Variants in AKR1B15 observed in about 807,000 individuals in gnomAD.
AKR1B15 encodes estradiol 17-beta-dehydrogenase AKR1B15.
In AKR1B15, 49 loss-of-function variants were observed where a neutral mutation model predicts 38.5. The observed-to-expected ratio is 1.27, with a 90% CI of 1.01 to 1.62. The LOEUF (loss-of-function observed/expected upper bound fraction) is 1.62. AKR1B15 is among the 40% of genes most tolerant of loss of function. AKR1B15 has a pLI of 0.00. For synonymous variants in AKR1B15, 137 were observed against 135.5 expected, an observed-to-expected ratio of 1.01 and a Z score of -0.08; for missense variants, 411 against 381.6, an observed-to-expected ratio of 1.08 and a Z score of -0.64.
At chr7:134,566,459 G>A (rs1174860054) in intron 3 of AKR1B15, among the ~76,000 whole-genome samples, 6 of 152,164 alleles carry the variant, frequency 3.9e-5, no homozygotes, top group East Asian at 1.9e-4. Flanking sequence ...AGCTCCACCC[G>A]GCTGTTTTTA....
In AKR1B15 at chr7:134,575,874, C is replaced by G. The variant is rs1416087789; in HGVS notation, c.690C>G (p.Ser230=). ...AGAAACTGATCCAGTACTGCCACTC[C>G]AAGGGCATCACCGTTACGGCCTACA... ...TQEKLIQYCH[S]KGITVTAYSP... Residue 230 remains serine (S), a synonymous_variant, in exon 8 of 12, where the codon TCC becomes TCG. Coordinates refer to ENST00000457545, the MANE Select transcript of AKR1B15 (RefSeq NM_001080538.3). The G allele has an allele frequency of 1.2e-6, 2 of 1,613,820 alleles. No homozygotes were observed. The highest frequency in any genetic ancestry group is 1.7e-6 in the Non-Finnish European group (2 of 1,179,810).
chr7:134,573,282 C>T (rs1794701369), intron 6 of AKR1B15: 1 of 795,114 alleles, frequency 1.3e-6, no homozygotes, highest in East Asian at 1.3e-4. Context: ...CCACCCGTCT[C>T]AGCCTCCCAA....
chr7:134,558,706 C>T (rs970705339), intron 2 of AKR1B15, among the ~76,000 whole-genome samples: 4 of 152,186 alleles, frequency 2.6e-5, no homozygotes, highest in African/African-American at 4.8e-5. Flanking sequence ...CCTGAGGAAA[C>T]GCTCTATGGA....
At chr7:134,557,745 C>T (rs1794250699) in intron 2 of AKR1B15, among the ~76,000 whole-genome samples, 1 of 152,150 alleles carries the variant, frequency 6.6e-6, no homozygotes, top group Admixed American at 6.5e-5. Context: ...TCCTCCTCCC[C>T]TCTTTAGACC....
In AKR1B15 at chr7:134,577,736, G is replaced by T; in HGVS notation, c.942G>T (p.Met314Ile). The change falls in exon 11 of 12, where the codon ATG becomes ATT. Residue 314 changes from methionine (M) to isoleucine (I), a missense_variant. Met to Ile is a conservative substitution (Grantham distance 10). This residue lies in a region of AKR1B15 where 133 missense variants were observed against 120.3 expected (regional missense o/e 1.11). Coordinates refer to ENST00000457545, the MANE Select transcript of AKR1B15 (RefSeq NM_001080538.3). ...VFDFKLSDEEMATILSFNRNW... is the reference protein window; with the variant it reads ...VFDFKLSDEEIATILSFNRNW... ...ACTTTAAATTGAGTGATGAGGAGAT[G>T]GCAACCATACTCAGCTTCAACAGAA... The T allele has an allele frequency of 6.2e-7, 1 of 1,613,964 alleles. No homozygotes were observed. Among genetic ancestry groups the T allele is most frequent in the African/African-American group, 1.3e-5 (1 of 75,024 alleles).
At chr7:134,560,402 C>A (rs1056103598) in intron 2 of AKR1B15, among the ~76,000 whole-genome samples, 1 of 152,200 alleles carries the variant, frequency 6.6e-6, no homozygotes, top group Non-Finnish European at 1.5e-5. Context: ...CCAGCTGATA[C>A]CACGTGGTTC....
chr7:134,563,122 C>T (rs1794458221), intron 2 of AKR1B15, among the ~76,000 whole-genome samples: 1 of 151,964 alleles, frequency 6.6e-6, no homozygotes, highest in African/African-American at 2.4e-5. Context: ...TACTGTTACC[C>T]AAGAGAACTT....
chr7:134,568,787 C>A (rs1322965078), intron 4 of AKR1B15, among the ~76,000 whole-genome samples: 7 of 150,688 alleles, frequency 4.6e-5, no homozygotes, highest in African/African-American at 1.7e-4. Context: ...TTGAGGTATA[C>A]AATGTTATAA....
chr7:134,565,188 C>T (rs1345818890), intron 3 of AKR1B15: 7 of 372,378 alleles, frequency 1.9e-5, no homozygotes, highest in Non-Finnish European at 3.4e-5. Flanking sequence ...TGCTGCTGCT[C>T]ACTCTTTGGG....
chr7:134,551,499 A>G (rs2117589835), intron 1 of AKR1B15, among the ~76,000 whole-genome samples: 1 of 152,308 alleles, frequency 6.6e-6, no homozygotes, highest in East Asian at 1.9e-4. Flanking sequence ...TCACCTCTGA[A>G]GAGAGGGACC....
chr7:134,567,126 C>T (rs1794554888), intron 3 of AKR1B15, among the ~76,000 whole-genome samples: 2 of 152,104 alleles, frequency 1.3e-5, no homozygotes, highest in African/African-American at 2.4e-5. Context: ...CAGGTGGCAG[C>T]CCGTTTCTTG....
intron 3 of AKR1B15, chr7:134,565,602 T>A (rs113585572): frequency 2.5e-6 from 4 of 1,605,372 alleles, no homozygotes; most frequent in Non-Finnish European, 2.6e-6. Context: ...TTGGGTGTTT[T>A]CTCTTTCTAC....
intron 3 of AKR1B15, chr7:134,565,422 T>A: frequency 6.2e-7 from 1 of 1,611,022 alleles, no homozygotes; most frequent in Middle Eastern, 2.2e-4. Flanking sequence ...GAACCAACTC[T>A]GGACACAGCA....
At chr7:134,559,490 C>G (rs368301206) in intron 2 of AKR1B15, among the ~76,000 whole-genome samples, 1 of 152,244 alleles carries the variant, frequency 6.6e-6, no homozygotes, top group South Asian at 2.1e-4. Flanking sequence ...TATAAATAAT[C>G]CCCGGACCAT....
rs757556194 is a variant in AKR1B15 at position 134,571,604 on chromosome 7, A to T, written c.436A>T (p.Thr146Ser). ...YLIHWPQGFKTGDDFFPKDDK... is the reference protein window; with the variant it reads ...YLIHWPQGFKSGDDFFPKDDK... ...TAAACTTTTCATTCTGTATTTACAG[A>T]CTGGGGATGACTTTTTCCCCAAAGA... Residue 146 changes from threonine to serine, a missense_variant and splice_region_variant, in exon 6 of 12, where the codon ACT becomes TCT. This residue lies in a region of AKR1B15 where 254 missense variants were observed against 212.4 expected (regional missense o/e 1.20). Transcript: ENST00000457545. 1.2e-6 allele frequency: 2 copies of T among 1,611,708 alleles called. No homozygotes were observed. Among genetic ancestry groups the T allele is most frequent in the East Asian group, 4.5e-5 (2 of 44,840 alleles).
intron 2 of AKR1B15, among the ~76,000 whole-genome samples, chr7:134,562,862 CT>C (rs1562947011): frequency 2.8e-5 from 4 of 142,974 alleles, no homozygotes; most frequent in African/African-American, 8.1e-5. Context: ...TTCTTTCTTT[CT>C]TTCTTTCTTT....
At chr7:134,561,878 CT>C (rs1483001166) in intron 2 of AKR1B15, among the ~76,000 whole-genome samples, 1 of 152,220 alleles carries the variant, frequency 6.6e-6, no homozygotes, top group Non-Finnish European at 1.5e-5. Context: ...GCAATTGTAA[CT>C]TTTAAAATTG....
At chr7:134,565,540 T>C in intron 3 of AKR1B15, 1 of 1,613,834 alleles carries the variant, frequency 6.2e-7, no homozygotes, top group Non-Finnish European at 8.5e-7. Context: ...GCCTGGGCAC[T>C]TGGAGGGTAA....
At chr7:134,552,638 G>GAA (rs561867585) in intron 1 of AKR1B15, among the ~76,000 whole-genome samples, 230 of 152,230 alleles carry the variant, frequency 1.5e-3, no homozygotes, top group African/African-American at 5.4e-3. Context: ...GTAACAAGCA[G>GAA]ACAGTCACTG....
Sources: gnomAD v4.1 joint callset for allele counts (sites outside exome capture counted in the v4.1 genomes callset) on GRCh38, gnomAD v4.1.1 for gene constraint, gnomAD v4.1.1 regional missense constraint, MANE v1.5 for transcripts, NCBI Gene and HGNC (gene_info 2026-07-23, HGNC 2026-07-21) for gene names.